The following RFPL1 variants were observed in gnomAD, a reference collection of about 807,000 sequenced individuals.
RFPL1 encodes ret finger protein-like 1.
Under a neutral mutation model 9.6 loss-of-function variants are expected in RFPL1, and 6 were observed. The ratio of observed to expected loss-of-function variants is 0.62; its 90% confidence interval spans 0.34 to 1.23. The LOEUF is 1.23. RFPL1 is among the 50% of genes most tolerant of loss of function. RFPL1 has a pLI of 0.03. For missense variants in RFPL1, 352 were observed against 398.4 expected (o/e 0.88, Z 0.99); for synonymous variants, 145 against 149.4 (o/e 0.97, Z 0.22).
At chr22:29,402,914 G>A in the RFPL1 span, among the ~76,000 whole-genome samples, 1 of 132,674 alleles carries the variant, frequency 7.5e-6, no homozygotes, top group South Asian at 2.9e-4. Context: ...GGAGGTGTGA[G>A]CCATTGGTTG....
chr22:29,410,616 TCTATA>T, the RFPL1 span, among the ~76,000 whole-genome samples: 5 of 138,750 alleles, frequency 3.6e-5, no homozygotes, highest in Non-Finnish European at 7.7e-5. Flanking sequence ...GATATATCTA[TCTATA>T]TATAGATAGA....
At chr22:29,439,306 C>T (rs1451488337) in intron 1 of RFPL1, 142 bp downstream of exon 1, 7 of 1,241,776 alleles carry the variant, frequency 5.6e-6, no homozygotes, top group Non-Finnish European at 3.4e-6. Flanking sequence ...AGATTCTCAG[C>T]CCTGACAACA....
At chr22:29,414,239 C>T in the RFPL1 span, among the ~76,000 whole-genome samples, 1 of 111,640 alleles carries the variant, frequency 9.0e-6, no homozygotes, top group Non-Finnish European at 1.7e-5. Flanking sequence ...TTTCTTTTTT[C>T]GAAGATGATA....
the RFPL1 span, among the ~76,000 whole-genome samples, chr22:29,406,570 G>A: frequency 6.6e-6 from 1 of 152,188 alleles, no homozygotes; most frequent in African/African-American, 2.4e-5. Flanking sequence ...CTAAATAAAG[G>A]TATCTGCCTG....
chr22:29,418,273 G>A, the RFPL1 span, among the ~76,000 whole-genome samples: 1 of 151,972 alleles, frequency 6.6e-6, no homozygotes. Context: ...GTCACTGGGC[G>A]CTCCCACAGG....
At chr22:29,431,643 T>C in the RFPL1 span, among the ~76,000 whole-genome samples, 2 of 152,090 alleles carry the variant, frequency 1.3e-5, no homozygotes, top group Non-Finnish European at 2.9e-5. Flanking sequence ...AAATGTAAAT[T>C]TTAATACAAA....
At chr22:29,439,040 G>A (rs1237463004) in exon 1 of RFPL1, 21 of 1,614,026 alleles carry the variant, frequency 1.3e-5, no homozygotes, top group Non-Finnish European at 1.8e-5. Context: ...GCTGTTCCAT[G>A]GTCTCTCAGA....
In RFPL1 at chr22:29,438,958, G is replaced by A. The variant is rs373716990; in HGVS notation, c.167G>A (p.Gly56Glu). The A allele has an allele frequency of 1.2e-5, 19 of 1,613,852 alleles. No individual in the cohort carries two copies. Among genetic ancestry groups the A allele is most frequent in the Non-Finnish European group, 1.6e-5 (19 of 1,179,888 alleles). Residue 56 changes from glycine (G) to glutamate (E), a missense_variant, in exon 1 of 2, where the codon GGA becomes GAA. Physicochemically the swap from Gly to Glu is moderately conservative, Grantham distance 98. Coordinates refer to ENST00000354373, the Ensembl canonical transcript of RFPL1. The stretch of plus-strand genomic sequence containing the variant: ...GAGAAACCAATGTCCCTGGAGTGTG[G>A]ATGCGCTGTCTGCTTCAAGTGCATC...
chr22:29,425,091 C>T, the RFPL1 span, among the ~76,000 whole-genome samples: 1 of 150,866 alleles, frequency 6.6e-6, no homozygotes, highest in Non-Finnish European at 1.5e-5. Context: ...GTAGTCCCAG[C>T]TACTCGGGAG....
the RFPL1 span, among the ~76,000 whole-genome samples, chr22:29,429,605 T>C: frequency 4.9e-4 from 75 of 152,050 alleles, 1 homozygote; most frequent in Non-Finnish European, 9.3e-4. Context: ...CCTACCAAGA[T>C]TGAATCAGAA....
the RFPL1 span, chr22:29,419,036 C>G: frequency 7.3e-6 from 5 of 682,404 alleles, no homozygotes; most frequent in Non-Finnish European, 1.3e-5. Flanking sequence ...ATGAAGGGAG[C>G]TGTATGAGGG....
At chr22:29,441,138 T>C (rs2062836735) in intron 1 of RFPL1, 1 of 214,254 alleles carries the variant, frequency 4.7e-6, no homozygotes, top group East Asian at 1.1e-4. Flanking sequence ...ATGCTCTATA[T>C]ACTGAGTTGA....
At chr22:29,427,448 G>A in the RFPL1 span, among the ~76,000 whole-genome samples, 19 of 152,152 alleles carry the variant, frequency 1.2e-4, no homozygotes, top group Admixed American at 7.2e-4. Context: ...GTGTCACCTG[G>A]CCCCGATTCC....
At chr22:29,422,890 T>G in the RFPL1 span, among the ~76,000 whole-genome samples, 3 of 151,902 alleles carry the variant, frequency 2.0e-5, no homozygotes, top group Non-Finnish European at 4.4e-5. Context: ...AACAAAAACA[T>G]AATTATTTTA....
At chr22:29,413,498 T>C in the RFPL1 span, among the ~76,000 whole-genome samples, 5 of 152,216 alleles carry the variant, frequency 3.3e-5, no homozygotes, top group Non-Finnish European at 7.3e-5. Context: ...GGTGCCTTCT[T>C]ACTGAGAAAT....
the RFPL1 span, among the ~76,000 whole-genome samples, chr22:29,407,660 A>G: frequency 2.0e-5 from 3 of 151,994 alleles, no homozygotes; most frequent in Admixed American, 6.6e-5. Context: ...CAGTTAGCCC[A>G]TTTCATCTAC....
chr22:29,429,810 A>G, the RFPL1 span, among the ~76,000 whole-genome samples: 1 of 152,244 alleles, frequency 6.6e-6, no homozygotes, highest in African/African-American at 2.4e-5. Flanking sequence ...CATAAAAATC[A>G]GTAGCAACTG....
chr22:29,430,579 T>C, the RFPL1 span, among the ~76,000 whole-genome samples: 1 of 152,164 alleles, frequency 6.6e-6, no homozygotes, highest in Non-Finnish European at 1.5e-5. Flanking sequence ...ATGTGAACAG[T>C]TTTAGGGTTT....
chr22:29,392,896 G>A, the RFPL1 span, among the ~76,000 whole-genome samples: 1 of 152,144 alleles, frequency 6.6e-6, no homozygotes, highest in South Asian at 2.1e-4. Context: ...CAGAGCCCCA[G>A]CTGTCATGAG....
Sources: gnomAD v4.1 joint callset for allele counts (sites outside exome capture counted in the v4.1 genomes callset) on GRCh38, gnomAD v4.1.1 for gene constraint, MANE v1.5 for transcripts, NCBI Gene and HGNC (gene_info 2026-07-23, HGNC 2026-07-21) for gene names.